The following VRK2 variants were observed in gnomAD, a reference collection of about 807,000 sequenced individuals.
VRK2 encodes the protein VRK serine/threonine kinase 2, also known as serine/threonine-protein kinase VRK2.
In VRK2, 60 loss-of-function variants were observed where a neutral mutation model predicts 57.6. The observed-to-expected ratio is 1.04, with a 90% CI of 0.85 to 1.29. The LOEUF is 1.29. Among genes scored for constraint, VRK2 ranks in the 50% most tolerant of loss-of-function variants. The pLI is 0.00. For missense variants in VRK2, 705 were observed against 588.1 expected (o/e 1.20, Z -2.06); for synonymous variants, 231 against 199.2 (o/e 1.16, Z -1.35).
At chr2:58,043,291 ATCTT>A (rs1674536610), upstream of VRK2, among the ~76,000 whole-genome samples, 1 of 152,190 alleles carries the variant, frequency 6.6e-6, no homozygotes. Context: ...GGATCTTCCT[ATCTT>A]TCTCTTTTGC....
chr2:58,156,099 A>G (rs1433161412), intron 12 of VRK2, among the ~76,000 whole-genome samples: 1 of 152,022 alleles, frequency 6.6e-6, no homozygotes, highest in Non-Finnish European at 1.5e-5. Flanking sequence ...TAATTACCAG[A>G]ATAAGGTGGG....
intron 1 of VRK2, among the ~76,000 whole-genome samples, chr2:57,930,213 A>T (rs2103929340): frequency 6.6e-6 from 1 of 152,264 alleles, no homozygotes; most frequent in East Asian, 1.9e-4. Flanking sequence ...GCCTGCTATG[A>T]AAAGGCTTAT....
At position 57,921,606 on chromosome 2, in the gene VRK2, C is replaced by T. The variant is rs1165780473; in HGVS notation, c.-439+13767C>T. ...AAAATCTGCACTCAAAAAAGTAACA[C>T]CTTAAAAAAATTTTGAAAGGTGCCT... On this transcript the variant is annotated intron_variant, in intron 1 of 15. Transcript: ENST00000417641. 2.6e-5 allele frequency among the ~76,000 whole-genome samples: 4 copies of T among 151,986 alleles called. 1 individual carries two copies. In the East Asian group the frequency reaches 7.7e-4, roughly 29 times the overall value.
At chr2:57,931,331 G>T (rs750710614) in intron 1 of VRK2, among the ~76,000 whole-genome samples, 1 of 151,882 alleles carries the variant, frequency 6.6e-6, no homozygotes, top group African/African-American at 2.4e-5. Flanking sequence ...CATTCTACAA[G>T]ATTTCATTAT....
intron 7 of VRK2, among the ~76,000 whole-genome samples, chr2:58,117,203 G>C (rs1263283759): frequency 6.6e-6 from 1 of 152,124 alleles, no homozygotes; most frequent in Non-Finnish European, 1.5e-5. Flanking sequence ...GCCATGAACT[G>C]GGCTGGGTTT....
At chr2:57,970,803 A>C (rs969662017) in intron 1 of VRK2, among the ~76,000 whole-genome samples, 1 of 151,746 alleles carries the variant, frequency 6.6e-6, no homozygotes, top group Non-Finnish European at 1.5e-5. Context: ...CTATAATTCT[A>C]CTCTCTTCTC....
chr2:57,976,997 C>G (rs1009205897), intron 1 of VRK2, among the ~76,000 whole-genome samples: 32 of 151,784 alleles, frequency 2.1e-4, no homozygotes, highest in African/African-American at 7.2e-4. Flanking sequence ...TCCCTATTGT[C>G]AACTTTGTCA....
At position 57,939,613 on chromosome 2, in the gene VRK2, C is replaced by T. The variant is rs186754601; in HGVS notation, c.-439+31774C>T. 4.2e-3 allele frequency among the ~76,000 whole-genome samples: 637 copies of T among 152,258 alleles called. 6 individuals carry two copies. The highest frequency in any genetic ancestry group is 0.014 in the African/African-American group (597 of 41,550). ...ATATAGTGCTATAAAAATTATATTACATTTACCCATCTATACAAAATGTTA... is the reference window on the plus strand; with the variant it reads ...ATATAGTGCTATAAAAATTATATTATATTTACCCATCTATACAAAATGTTA... On this transcript the variant is annotated intron_variant, in intron 1 of 15. Transcript: ENST00000417641.
chr2:57,917,421 T>A (rs1298337405), intron 1 of VRK2, among the ~76,000 whole-genome samples: 1 of 151,510 alleles, frequency 6.6e-6, no homozygotes, highest in Non-Finnish European at 1.5e-5. Flanking sequence ...GATCTCAATA[T>A]CTCTGAGTCC....
intron 1 of VRK2, among the ~76,000 whole-genome samples, chr2:58,013,102 A>C (rs1673462496): frequency 1.3e-5 from 2 of 152,214 alleles, no homozygotes; most frequent in African/African-American, 2.4e-5. Flanking sequence ...TTCCAGTTTT[A>C]GGTGAATAAA....
chr2:58,003,671 A>C (rs969805707), intron 1 of VRK2, among the ~76,000 whole-genome samples: 1 of 152,262 alleles, frequency 6.6e-6, no homozygotes, highest in African/African-American at 2.4e-5. Context: ...TTTAGCATAA[A>C]ACAGTGCATT....
rs571262569 is a variant in VRK2 at position 58,082,217 on chromosome 2, A to T, written c.137-1872A>T. On this transcript the variant is annotated intron_variant, in intron 2 of 12. Transcript: ENST00000340157. ...GAAAGGAAAATTCAGATTATAAAGT[A>T]TTAGGGATATAATGATTGAAATAGG... Among the ~76,000 whole-genome samples the T allele has an allele frequency of 5.3e-5, 8 of 152,070 alleles. No individual in the cohort carries two copies. In the South Asian group the frequency reaches 1.2e-3, roughly 24 times the overall value.
At chr2:57,940,027 CTCAGATA>C (rs1256015545) in intron 1 of VRK2, among the ~76,000 whole-genome samples, 2 of 152,080 alleles carry the variant, frequency 1.3e-5, no homozygotes, top group Admixed American at 1.3e-4. Flanking sequence ...TCACAGTACA[CTCAGATA>C]TCTTATACTT....
intron 10 of VRK2, among the ~76,000 whole-genome samples, chr2:58,138,339 T>A (rs1680839894): frequency 1.3e-5 from 2 of 152,150 alleles, no homozygotes; most frequent in Admixed American, 6.5e-5. Context: ...ACTTGCTAGT[T>A]AACAGAGATC....
At chr2:58,068,811 GAA>G (rs60586801) in intron 2 of VRK2, among the ~76,000 whole-genome samples, 78,803 of 129,618 alleles carry the variant, frequency 0.61, 22,400 homozygotes, top group African/African-American at 0.66. Flanking sequence ...ACCCCCTCAG[GAA>G]AAAAAAAAAA....
At chr2:58,137,535 A>G (rs1680722177) in intron 10 of VRK2, among the ~76,000 whole-genome samples, 1 of 152,010 alleles carries the variant, frequency 6.6e-6, no homozygotes, top group East Asian at 1.9e-4. Context: ...TCTAAAGCAA[A>G]AAGTGTTGAA....
At chr2:58,023,551 T>C (rs1020388340) in intron 1 of VRK2, among the ~76,000 whole-genome samples, 3 of 152,070 alleles carry the variant, frequency 2.0e-5, no homozygotes, top group Non-Finnish European at 4.4e-5. Flanking sequence ...AGGAAAAAAA[T>C]AGTAAATGTA....
At chr2:58,113,173 G>A (rs970951781) in intron 7 of VRK2, among the ~76,000 whole-genome samples, 6 of 152,058 alleles carry the variant, frequency 3.9e-5, no homozygotes, top group Admixed American at 3.3e-4. Context: ...GCTGGGCGTG[G>A]TGGCACACGG....
At chr2:58,067,148 A>G (rs1668717681) in intron 2 of VRK2, among the ~76,000 whole-genome samples, 1 of 151,842 alleles carries the variant, frequency 6.6e-6, no homozygotes, top group South Asian at 2.1e-4. Context: ...CAGCTTTTGG[A>G]CTCCTGGACT....
Sources: gnomAD v4.1 joint callset for allele counts (sites outside exome capture counted in the v4.1 genomes callset) on GRCh38, gnomAD v4.1.1 for gene constraint, MANE v1.5 for transcripts, NCBI Gene and HGNC (gene_info 2026-07-23, HGNC 2026-07-21) for gene names.